Variants in ME1 observed in about 807,000 individuals in gnomAD.
ME1 encodes malic enzyme 1.
A neutral mutation model predicts 66.4 loss-of-function variants in ME1; 74 were observed. The ratio of observed to expected loss-of-function variants is 1.11; its 90% confidence interval spans 0.92 to 1.35. The LOEUF (loss-of-function observed/expected upper bound fraction) is 1.35. Among genes scored for constraint, ME1 ranks in the 40% most tolerant of loss-of-function variants. The pLI is 0.00. For synonymous variants in ME1, 251 were observed against 235.6 expected (o/e 1.07, Z -0.60); for missense variants, 750 against 694.1 (o/e 1.08, Z -0.90).
chr6:83,392,083 G>A (rs1769632680), intron 3 of ME1, among the ~76,000 whole-genome samples: 1 of 152,172 alleles, frequency 6.6e-6, no homozygotes, highest in African/African-American at 2.4e-5. Flanking sequence ...TATAGTAAAA[G>A]CTCTCAAAAA....
chr6:83,311,651 A>G (rs1344270049), intron 6 of ME1, among the ~76,000 whole-genome samples: 2 of 152,124 alleles, frequency 1.3e-5, no homozygotes, highest in Non-Finnish European at 2.9e-5. Flanking sequence ...ATGAGAAGAC[A>G]TCAACATTAC....
At chr6:83,265,813 C>A (rs1039917178) in intron 6 of ME1, among the ~76,000 whole-genome samples, 5 of 152,302 alleles carry the variant, frequency 3.3e-5, no homozygotes, top group African/African-American at 1.2e-4. Context: ...CTTTCAACTA[C>A]AAGGTGAATT....
At chr6:83,295,973 A>C (rs935782515) in intron 6 of ME1, among the ~76,000 whole-genome samples, 7 of 152,180 alleles carry the variant, frequency 4.6e-5, no homozygotes. Flanking sequence ...ATCAGGAAGA[A>C]ACTGAACCCC....
chr6:83,350,098 C>T (rs1310476761), intron 4 of ME1, among the ~76,000 whole-genome samples: 6 of 152,116 alleles, frequency 3.9e-5, no homozygotes, highest in African/African-American at 1.4e-4. Flanking sequence ...TTAATAATTG[C>T]CTTTATTTCA....
intron 1 of ME1, among the ~76,000 whole-genome samples, chr6:83,412,418 T>G (rs528939125): frequency 6.6e-6 from 1 of 152,196 alleles, no homozygotes; most frequent in South Asian, 2.1e-4. Context: ...TCTAGAATAA[T>G]ACTTGTGTGG....
At chr6:83,387,897 TATA>T (rs1412850820) in intron 3 of ME1, among the ~76,000 whole-genome samples, 1 of 152,106 alleles carries the variant, frequency 6.6e-6, no homozygotes, top group African/African-American at 2.4e-5. Context: ...GTGCAGCACA[TATA>T]ATATTAATAT....
Position 83,418,126 on chromosome 6 carries a change from T to C in ME1, c.79-10225A>G, listed in dbSNP as rs1583426586. On this transcript the variant is annotated intron_variant, in intron 1 of 13. Coordinates refer to ENST00000369705, the MANE Select transcript of ME1 (RefSeq NM_002395.6). ...TGTGGAGATTTGCAGAAATGTTTTC[T>C]CTCTGCTTTTACAGTTACTTTATGG... is the stretch of plus-strand genomic sequence containing the variant. Among the ~76,000 whole-genome samples the C allele has an allele frequency of 4.6e-5, 7 of 152,248 alleles. No individual in the cohort carries two copies. The South Asian group carries it at 1.4e-3, about 31-fold the overall frequency.
chr6:83,427,359 T>C lies in ME1; in HGVS notation c.78+3518A>G, dbSNP rs1770392715. On this transcript the variant is annotated intron_variant, in intron 1 of 13. Transcript: ENST00000369705. ...TTTTGAATTCATACCATATCTACTGTTAACTTTGATTTTACCAAGATGAAG... is the reference window on the plus strand; with the variant it reads ...TTTTGAATTCATACCATATCTACTGCTAACTTTGATTTTACCAAGATGAAG... Among the ~76,000 whole-genome samples, 5 of 152,312 alleles carry C rather than the reference T, an allele frequency of 3.3e-5. No homozygotes were observed. The South Asian group carries it at 1.0e-3, about 32-fold the overall frequency.
chr6:83,246,242 C>A (rs1790620303), intron 7 of ME1, among the ~76,000 whole-genome samples: 1 of 152,074 alleles, frequency 6.6e-6, no homozygotes, highest in African/African-American at 2.4e-5. Context: ...GATATTATGG[C>A]TCAACAATTG....
At chr6:83,272,401 C>G (rs1482824385) in intron 6 of ME1, among the ~76,000 whole-genome samples, 1 of 151,904 alleles carries the variant, frequency 6.6e-6, no homozygotes, top group Non-Finnish European at 1.5e-5. Context: ...TCAAGTGTTA[C>G]AGAAGATAAT....
intron 3 of ME1, among the ~76,000 whole-genome samples, chr6:83,391,934 C>T (rs1013650566): frequency 1.3e-5 from 2 of 152,186 alleles, no homozygotes; most frequent in Non-Finnish European, 2.9e-5. Flanking sequence ...ACTCCTGATC[C>T]CCCTTTTCCT....
intron 13 of ME1, among the ~76,000 whole-genome samples, chr6:83,214,327 A>C (rs530925084): frequency 3.3e-5 from 5 of 152,346 alleles, no homozygotes; most frequent in Admixed American, 1.3e-4. Context: ...ACTCTCTGAC[A>C]GAGTGGCTTA....
intron 2 of ME1, among the ~76,000 whole-genome samples, chr6:83,398,720 C>G (rs941934004): frequency 6.6e-6 from 1 of 152,148 alleles, no homozygotes; most frequent in South Asian, 2.1e-4. Flanking sequence ...GCCTGTAATC[C>G]CAGCACCTTG....
chr6:83,291,162 T>G (rs1170354), intron 6 of ME1, among the ~76,000 whole-genome samples: 72,429 of 151,650 alleles, frequency 0.48, 18,887 homozygotes, highest in African/African-American at 0.7. Context: ...TCCTGTCATT[T>G]TGATGTTAGC....
intron 1 of ME1, among the ~76,000 whole-genome samples, chr6:83,429,722 T>C (rs1479490027): frequency 1.3e-5 from 2 of 152,108 alleles, no homozygotes; most frequent in African/African-American, 4.8e-5. Flanking sequence ...TCACACTGAC[T>C]ATAACTTGTT....
chr6:83,374,967 G>A (rs1769259238), intron 3 of ME1, among the ~76,000 whole-genome samples: 3 of 152,100 alleles, frequency 2.0e-5, no homozygotes, highest in Admixed American at 2.0e-4. Flanking sequence ...GTCTGTTTTG[G>A]TACTAGCACT....
chr6:83,287,636 T>C (rs1767421046), intron 6 of ME1, among the ~76,000 whole-genome samples: 2 of 152,158 alleles, frequency 1.3e-5, no homozygotes, highest in Non-Finnish European at 1.5e-5. Flanking sequence ...GTCTTTATCG[T>C]AGAATGATGT....
At chr6:83,214,186 A>G (rs543351574) in intron 13 of ME1, among the ~76,000 whole-genome samples, 23 of 152,306 alleles carry the variant, frequency 1.5e-4, no homozygotes, top group African/African-American at 5.5e-4. Context: ...TAATTTTATA[A>G]TAAAACACAT....
chr6:83,320,900 C>T (rs561781763), intron 5 of ME1, among the ~76,000 whole-genome samples: 1 of 152,264 alleles, frequency 6.6e-6, no homozygotes, highest in East Asian at 1.9e-4. Context: ...TCTGCAGCTC[C>T]CAGCAAGACC....
Sources: allele counts gnomAD v4.1 joint callset (sites outside exome capture counted in the v4.1 genomes callset), GRCh38; gene constraint gnomAD v4.1.1; transcripts MANE v1.5; gene names NCBI Gene and HGNC (gene_info 2026-07-23, HGNC 2026-07-21).